RSF1: variants seen among roughly 807,000 people sequenced by gnomAD.
The protein encoded by RSF1 is HBV pX-associated protein 8.
Under a neutral mutation model 145.2 loss-of-function variants are expected in RSF1, and 13 were observed. The ratio of observed to expected loss-of-function variants is 0.09; its 90% CI spans 0.06 to 0.14. The LOEUF is 0.14. Among genes scored for constraint, RSF1 ranks in the 10% least tolerant of loss-of-function variants. The pLI is 1.00. For synonymous variants in RSF1, 577 were observed against 592.6 expected (o/e 0.97, Z 0.38); for missense variants, 1,517 against 1,718.2 (o/e 0.88, Z 2.07).
intron 1 of RSF1, among the ~76,000 whole-genome samples, chr11:77,771,398 C>G (rs1353180118): frequency 6.6e-6 from 1 of 152,054 alleles, no homozygotes; most frequent in Non-Finnish European, 1.5e-5. Flanking sequence ...GGGAGCATGC[C>G]AGGCAAAAGG....
chr11:77,709,320 T>C (rs970817990), intron 5 of RSF1, among the ~76,000 whole-genome samples: 70 of 152,330 alleles, frequency 4.6e-4, no homozygotes, highest in African/African-American at 1.6e-3. Flanking sequence ...ATCTTGTTTA[T>C]TGTTTGATAA....
chr11:77,869,595 T>C, the RSF1 span: 6 of 917,006 alleles, frequency 6.5e-6, no homozygotes, highest in Middle Eastern at 4.5e-4. Context: ...TTAAAGAGCC[T>C]ATGAGTGATG....
At chr11:77,848,309 A>G in the RSF1 span, among the ~76,000 whole-genome samples, 1 of 152,086 alleles carries the variant, frequency 6.6e-6, no homozygotes, top group African/African-American at 2.4e-5. Flanking sequence ...TTAGTGCTGT[A>G]TATTTCTATT....
intron 5 of RSF1, among the ~76,000 whole-genome samples, chr11:77,708,901 A>G (rs1438210050): frequency 1.3e-5 from 2 of 152,220 alleles, no homozygotes; most frequent in African/African-American, 4.8e-5. Context: ...TAATATTATT[A>G]GCTTCCCAAG....
At chr11:77,816,370 C>T (rs1275417699) in intron 1 of RSF1, among the ~76,000 whole-genome samples, 1 of 152,178 alleles carries the variant, frequency 6.6e-6, no homozygotes, top group Admixed American at 6.5e-5. Flanking sequence ...AGATCAGTTA[C>T]AGTACCAGTA....
chr11:77,683,107 A>G (rs1959908350), intron 11 of RSF1, among the ~76,000 whole-genome samples: 1 of 152,050 alleles, frequency 6.6e-6, no homozygotes, highest in African/African-American at 2.4e-5. Context: ...CCTGGCCAAC[A>G]TGGTGAAACC....
intron 5 of RSF1, among the ~76,000 whole-genome samples, chr11:77,721,492 T>C (rs909698114): frequency 6.6e-6 from 1 of 152,158 alleles, no homozygotes; most frequent in African/African-American, 2.4e-5. Flanking sequence ...TGGAGACAGA[T>C]TGCCTAGTTT....
At chr11:77,818,397 T>A (rs1034702103) in intron 1 of RSF1, among the ~76,000 whole-genome samples, 1 of 152,204 alleles carries the variant, frequency 6.6e-6, no homozygotes, top group Non-Finnish European at 1.5e-5. Flanking sequence ...ATGCCCACAG[T>A]TCGTTCTCTG....
chr11:77,763,097 T>C (rs1308392708), intron 2 of RSF1: 2 of 152,170 alleles, frequency 1.3e-5, no homozygotes, highest in Admixed American at 1.3e-4. Flanking sequence ...TCCCAGCACT[T>C]TGGGAGGCCG....
intron 4 of RSF1, chr11:77,735,108 G>T: frequency 1.2e-6 from 1 of 817,046 alleles, no homozygotes; most frequent in Non-Finnish European, 2.0e-6. Context: ...GGCGGTCTGA[G>T]GGTGCCGTGA....
chr11:77,844,627 G>T, the RSF1 span, among the ~76,000 whole-genome samples: 1 of 152,160 alleles, frequency 6.6e-6, no homozygotes, highest in African/African-American at 2.4e-5. Flanking sequence ...CTCCCAAAAT[G>T]CTGAGATTAC....
chr11:77,720,726 A>C (rs1960923691), intron 5 of RSF1, among the ~76,000 whole-genome samples: 1 of 152,218 alleles, frequency 6.6e-6, no homozygotes, highest in Non-Finnish European at 1.5e-5. Context: ...GAGAAACAGC[A>C]TGCAGACACA....
At chr11:77,869,605 G>A in the RSF1 span, 1 of 1,013,634 alleles carries the variant, frequency 9.9e-7, no homozygotes, top group Non-Finnish European at 1.5e-6. Context: ...TATGAGTGAT[G>A]CTTGGCACAA....
intron 2 of RSF1, chr11:77,763,958 T>C (rs1948200985): frequency 6.6e-6 from 1 of 152,078 alleles, no homozygotes; most frequent in African/African-American, 2.4e-5. Flanking sequence ...TTCAAATGCA[T>C]TACATTTGAA....
chr11:77,758,336 A>C (rs542811741), intron 2 of RSF1, among the ~76,000 whole-genome samples: 1 of 152,288 alleles, frequency 6.6e-6, no homozygotes, highest in African/African-American at 2.4e-5. Context: ...ATTTCTGTTC[A>C]ATGCAAAATC....
chr11:77,828,513 AAAAC>A, the RSF1 span, among the ~76,000 whole-genome samples: 1 of 151,586 alleles, frequency 6.6e-6, no homozygotes, highest in African/African-American at 2.4e-5. Flanking sequence ...TAAAAATACA[AAAAC>A]AAAATTAGCC....
At chr11:77,691,120 A>C in intron 9 of RSF1, 39 bp downstream of exon 9, 1 of 1,568,660 alleles carries the variant, frequency 6.4e-7, no homozygotes, top group Non-Finnish European at 8.8e-7. Context: ...TTCTGCTCTC[A>C]TATTCCCAAA....
intron 5 of RSF1, among the ~76,000 whole-genome samples, chr11:77,721,638 A>T (rs1372072136): frequency 6.6e-6 from 1 of 152,252 alleles, no homozygotes; most frequent in Non-Finnish European, 1.5e-5. Context: ...TGTGAAAATG[A>T]TCTGACAATA....
intron 10 of RSF1, among the ~76,000 whole-genome samples, chr11:77,684,122 A>C (rs1959941233): frequency 6.6e-6 from 1 of 152,240 alleles, no homozygotes; most frequent in Non-Finnish European, 1.5e-5. Context: ...TTTAATTTGC[A>C]ACAGAAGATG....
Sources: gnomAD v4.1 joint callset for allele counts (sites outside exome capture counted in the v4.1 genomes callset) on GRCh38, gnomAD v4.1.1 for gene constraint, MANE v1.5 for transcripts, NCBI Gene and HGNC (gene_info 2026-07-23, HGNC 2026-07-21) for gene names.